ANK2: variants seen among roughly 807,000 people sequenced by gnomAD.
ANK2 encodes ankyrin 2.
A neutral mutation model predicts 360.5 loss-of-function variants in ANK2; 83 were observed. That is an observed-to-expected ratio of 0.23 (90% CI 0.19 to 0.28). The LOEUF is 0.28. ANK2 is among the 10% of genes least tolerant of loss of function. The pLI is 1.00. For missense variants in ANK2, 4,201 were observed against 4,795.7 expected (o/e 0.88, Z 3.66); for synonymous variants, 1,740 against 1,759.5 (o/e 0.99, Z 0.28).
chr4:113,049,768 G>C lies in ANK2; in HGVS notation c.40G>C (p.Glu14Gln). 1.2e-6 allele frequency: 2 copies of C among 1,613,850 alleles called. No homozygotes were observed. The highest frequency in any genetic ancestry group is 1.7e-6 in the Non-Finnish European group (2 of 1,179,842). ...EDAAQKSDSG[E>Q]KFNGSSQRRK... is the part of the protein sequence containing the mutation. ...TGCAGCTCAGAAAAGCGACAGTGGA[G>C]AGAAGTTCAACGGCAGTAGTCAGAG... Residue 14 changes from glutamate (E) to glutamine (Q), a missense_variant, in exon 1 of 46, where the codon GAG becomes CAG. By Grantham distance (29) the Glu-to-Gln change is conservative. This residue lies in a region of ANK2 where 169 missense variants were observed against 191.1 expected (regional missense o/e 0.88). Transcript: ENST00000357077.
the ANK2 span, among the ~76,000 whole-genome samples, chr4:112,739,474 C>T: frequency 1.2e-4 from 18 of 152,022 alleles, no homozygotes; most frequent in Non-Finnish European, 2.2e-4. Flanking sequence ...ATTAGCCCGG[C>T]GTGGTGGCTC....
chr4:113,071,116 C>G (rs1211195034), intron 1 of ANK2, among the ~76,000 whole-genome samples: 1 of 152,108 alleles, frequency 6.6e-6, no homozygotes, highest in Non-Finnish European at 1.5e-5. Context: ...ATCCCATAGT[C>G]CTAAAATAAT....
intron 1 of ANK2, among the ~76,000 whole-genome samples, chr4:112,831,759 G>A (rs1229776184): frequency 6.6e-6 from 1 of 152,162 alleles, no homozygotes; most frequent in East Asian, 1.9e-4. Flanking sequence ...ACCTTTATAA[G>A]CTGTAACAGT....
intron 4 of ANK2, among the ~76,000 whole-genome samples, chr4:113,219,122 C>T (rs193230348): frequency 1.3e-5 from 2 of 152,224 alleles, no homozygotes; most frequent in African/African-American, 4.8e-5. Flanking sequence ...TATTTTAATG[C>T]ACTGGCTACA....
intron 4 of ANK2, among the ~76,000 whole-genome samples, chr4:113,230,127 A>C (rs2099274086): frequency 6.6e-6 from 1 of 152,142 alleles, no homozygotes; most frequent in Admixed American, 6.6e-5. Flanking sequence ...CTATCCAGCT[A>C]GCAAGTTATT....
At chr4:112,813,597 G>T (rs1397100195), upstream of ANK2, among the ~76,000 whole-genome samples, 1 of 151,890 alleles carries the variant, frequency 6.6e-6, no homozygotes, top group Non-Finnish European at 1.5e-5. Flanking sequence ...GTGCAGTGGC[G>T]TGATCATGGC....
intron 2 of ANK2, among the ~76,000 whole-genome samples, chr4:112,945,778 CAT>C (rs1290543818): frequency 2.6e-5 from 4 of 152,196 alleles, no homozygotes; most frequent in Non-Finnish European, 2.9e-5. Flanking sequence ...CCATTTTACA[CAT>C]GAGGAGCCGA....
At chr4:112,860,761 CT>C (rs1285241773) in intron 1 of ANK2, among the ~76,000 whole-genome samples, 10 of 148,440 alleles carry the variant, frequency 6.7e-5, no homozygotes, top group East Asian at 2.0e-4. Context: ...TTTAATATTA[CT>C]TTTTTTTTTG....
At chr4:113,313,783 C>CGGGGGGG (rs1227864115) in intron 24 of ANK2, 8 of 7,210 alleles carry the variant, frequency 1.1e-3, no homozygotes, top group African/African-American at 3.3e-3. Context: ...TGTGTGTTGC[C>CGGGGGGG]GGGGCGGGGG....
chr4:113,191,821 A>T (rs143741475), intron 2 of ANK2, among the ~76,000 whole-genome samples: 1 of 152,120 alleles, frequency 6.6e-6, no homozygotes. Context: ...CTTAAATCCT[A>T]TTGTTTAGGA....
chr4:113,244,443 C>G (rs1171562569), intron 9 of ANK2, among the ~76,000 whole-genome samples: 1 of 152,052 alleles, frequency 6.6e-6, no homozygotes, highest in Non-Finnish European at 1.5e-5. Flanking sequence ...GTAGCATTAC[C>G]TTTGCTGGTT....
chr4:113,049,890 C>T (rs2066161132), intron 1 of ANK2, 78 bp downstream of exon 1: 1 of 1,524,610 alleles, frequency 6.6e-7, no homozygotes, highest in Admixed American at 1.8e-5. Flanking sequence ...ATCAGCAAGG[C>T]TATGGAAACC....
chr4:112,717,053 A>T, the ANK2 span, among the ~76,000 whole-genome samples: 3 of 152,214 alleles, frequency 2.0e-5, no homozygotes, highest in Admixed American at 2.0e-4. Context: ...GTCTAAAAAC[A>T]GTTTCATTCT....
chr4:113,290,745 T>A (rs562469328), intron 20 of ANK2, among the ~76,000 whole-genome samples: 46 of 152,352 alleles, frequency 3.0e-4, no homozygotes, highest in African/African-American at 1.1e-3. Context: ...TTATCCTTCA[T>A]CAAACTTGAA....
chr4:113,380,408 C>T (rs1027644940), intron 45 of ANK2, among the ~76,000 whole-genome samples: 1 of 152,194 alleles, frequency 6.6e-6, no homozygotes, highest in Non-Finnish European at 1.5e-5. Flanking sequence ...CACCTGTAAT[C>T]CCAACACTTT....
intron 18 of ANK2, among the ~76,000 whole-genome samples, chr4:113,286,531 G>C (rs1328330707): frequency 6.6e-6 from 1 of 152,160 alleles, no homozygotes; most frequent in Admixed American, 6.5e-5. Context: ...CATGAATTTT[G>C]AAGAACATGG....
chr4:113,130,640 G>C (rs2095959271), intron 1 of ANK2, among the ~76,000 whole-genome samples: 1 of 152,180 alleles, frequency 6.6e-6, no homozygotes, highest in South Asian at 2.1e-4. Flanking sequence ...GATGAGAACA[G>C]CATCCAGCCA....
chr4:112,935,269 A>G (rs1248891981), intron 2 of ANK2, among the ~76,000 whole-genome samples: 2 of 152,216 alleles, frequency 1.3e-5, no homozygotes, highest in African/African-American at 4.8e-5. Context: ...TGTATTTTAA[A>G]TATATTTTCT....
At chr4:112,955,537 G>C (rs1409366893) in intron 2 of ANK2, among the ~76,000 whole-genome samples, 2 of 151,336 alleles carry the variant, frequency 1.3e-5, no homozygotes, top group Non-Finnish European at 3.0e-5. Context: ...GTTTAAAAAA[G>C]GTTGTTTTTT....
Sources: gnomAD v4.1 joint callset for allele counts (sites outside exome capture counted in the v4.1 genomes callset) on GRCh38, gnomAD v4.1.1 for gene constraint, gnomAD v4.1.1 regional missense constraint, MANE v1.5 for transcripts, NCBI Gene and HGNC (gene_info 2026-07-23, HGNC 2026-07-21) for gene names.